Variants in DNAH10 observed in about 807,000 individuals in gnomAD.
DNAH10 encodes dynein axonemal heavy chain 10.
A neutral mutation model predicts 506.6 loss-of-function variants in DNAH10; 348 were observed. The observed-to-expected ratio is 0.69, with a 90% confidence interval of 0.63 to 0.75. The LOEUF is 0.75. DNAH10 is among the 30% of genes least tolerant of loss of function. The pLI, the probability that DNAH10 is intolerant of heterozygous loss-of-function variation, is 0.00. For synonymous variants in DNAH10, 2,059 were observed against 2,198.6 expected, an observed-to-expected ratio of 0.94 and a Z score of 1.78; for missense variants, 5,179 against 5,787.1, an observed-to-expected ratio of 0.89 and a Z score of 3.41.
chr12:123,871,361 A>C (rs1049818869), intron 44 of DNAH10, 96 bp from the exon 45 acceptor site: 1 of 1,404,732 alleles, frequency 7.1e-7, no homozygotes, highest in Non-Finnish European at 9.6e-7. Context: ...CCTGTTTTTT[A>C]TGGGATTTGT....
intron 73 of DNAH10, 93 bp downstream of exon 73, chr12:123,930,666 C>G: frequency 1.4e-6 from 2 of 1,453,942 alleles, no homozygotes; most frequent in Non-Finnish European, 1.8e-6. Context: ...GGGGGCTCCT[C>G]GGCTGGTCAG....
chr12:123,835,617 A>G, intron 28 of DNAH10, 89 bp downstream of exon 28: 1 of 1,486,564 alleles, frequency 6.7e-7, no homozygotes, highest in Non-Finnish European at 9.0e-7. Context: ...TATTTTCTCC[A>G]TTAGTAGCTT....
chr12:123,859,396 C>G, intron 38 of DNAH10, 128 bp downstream of exon 38: 1 of 686,206 alleles, frequency 1.5e-6, no homozygotes, highest in Non-Finnish European at 2.3e-6. Context: ...ATACACACCC[C>G]TTTCGACTCA....
chr12:123,908,797 A>G (rs1218409124), intron 57 of DNAH10, among the ~76,000 whole-genome samples: 1 of 152,160 alleles, frequency 6.6e-6, no homozygotes, highest in African/African-American at 2.4e-5. Context: ...ACAGCCAGTC[A>G]TGCAAGCTCC....
intron 74 of DNAH10, 33 bp downstream of exon 74, chr12:123,931,505 G>C: frequency 6.2e-7 from 1 of 1,610,108 alleles, no homozygotes; most frequent in Non-Finnish European, 8.5e-7. Flanking sequence ...TCATTAGTTT[G>C]ATTGGGGTTT....
chr12:123,843,471 G>A lies in DNAH10; in HGVS notation c.5360+1926G>A, dbSNP rs185336818. On this transcript the variant is annotated intron_variant, in intron 30 of 78. Coordinates refer to ENST00000673944, the MANE Select transcript of DNAH10 (RefSeq NM_001372106.1). Reference sequence around the variant, plus strand: ...ATCTTTGTTGTCTCTCTCCTGATGTGTAGGAATCATGGATATAAGTGATCT... The same window carrying A: ...ATCTTTGTTGTCTCTCTCCTGATGTATAGGAATCATGGATATAAGTGATCT... Among the ~76,000 whole-genome samples the A allele has an allele frequency of 2.0e-5, 3 of 152,304 alleles. No individual in the cohort carries two copies. In the East Asian group the frequency reaches 5.8e-4, roughly 29 times the overall value.
Position 123,910,591 on chromosome 12 carries a change from C to G in DNAH10, c.10053C>G (p.Ala3351=), listed in dbSNP as rs371346899. ...TTEEMEAVSK[A]GLGMLKFVEA... is the part of the protein sequence containing the mutation. ...AAGAAATGGAAGCTGTCAGCAAAGC[C>G]GGGCTGGGGATGCTGAAATTTGTTG... Residue 3351 remains alanine, a synonymous_variant, in exon 59 of 79, where the codon GCC becomes GCG. Transcript: ENST00000673944. 6.2e-7 allele frequency: 1 copy of G among 1,613,608 alleles called. No homozygotes were observed.
At chr12:123,869,609 C>T (rs1288198938) in intron 43 of DNAH10, among the ~76,000 whole-genome samples, 1 of 152,216 alleles carries the variant, frequency 6.6e-6, no homozygotes, top group East Asian at 1.9e-4. Context: ...GGAATCTCTC[C>T]TTCCAGCTGA....
At chr12:123,896,729 A>G (rs1953265843) in intron 54 of DNAH10, among the ~76,000 whole-genome samples, 1 of 151,920 alleles carries the variant, frequency 6.6e-6, no homozygotes, top group Non-Finnish European at 1.5e-5. Context: ...GAAAAAAAAA[A>G]AAAAAAAAGA....
In DNAH10 at chr12:123,917,871, G is replaced by A. The variant is rs1954556105; in HGVS notation, c.11232+58G>A. 6.6e-7 allele frequency: 1 copy of A among 1,518,040 alleles called. No individual in the cohort carries two copies. Among genetic ancestry groups the A allele is most frequent in the South Asian group, 1.2e-5 (1 of 82,694 alleles). 94.0% of individuals were successfully genotyped at this position (1,518,040 alleles called of 1,614,324 possible). ...GGCGGGGCCTGCATGCGCCGTTGGA[G>A]CGTCCATTTCTCTGTCTGCTCAATG... On this transcript the variant is annotated intron_variant, in intron 64 of 78. Coordinates refer to ENST00000673944, the MANE Select transcript of DNAH10 (RefSeq NM_001372106.1). The surrounding 1 kb of genome is among the most constrained non-coding windows in gnomAD (Gnocchi z 5.6).
At position 123,917,627 on chromosome 12, in the gene DNAH10, GGCTTACGAGAGGCGGGAGCTGGA is replaced by G. The variant is rs1309414071; in HGVS notation, c.11048_11070del (p.Ala3683GlyfsTer92). On this transcript the variant is annotated frameshift_variant, in exon 64 of 79. Transcript: ENST00000673944. LOFTEE classifies it high-confidence loss of function. The surrounding 1 kb of genome is among the most constrained non-coding windows in gnomAD (Gnocchi z 5.6). ...AGGACCAGCTGCTGAGCGTGCTGGT[GGCTTACGAGAGGCGGGAGCTGGA>G]GGAGCAGCGGGAGCACCTCATCCAG... The G allele has an allele frequency of 6.4e-7, 1 of 1,551,706 alleles. No individual in the cohort carries two copies.
chr12:123,899,921 A>G (rs1239184116), intron 56 of DNAH10, among the ~76,000 whole-genome samples: 1 of 152,182 alleles, frequency 6.6e-6, no homozygotes, highest in Non-Finnish European at 1.5e-5. Context: ...ATCCTTTCCC[A>G]GGAATTTGTG....
Position 123,914,524 on chromosome 12 carries a change from G to A in DNAH10, c.10548G>A (p.Leu3516=). 4.3e-6 allele frequency: 7 copies of A among 1,613,406 alleles called. No homozygotes were observed. The highest frequency in any genetic ancestry group is 5.1e-6 in the Non-Finnish European group (6 of 1,179,814). Residue 3516 remains leucine, a synonymous_variant, in exon 61 of 79, where the codon CTG becomes CTA. Transcript: ENST00000673944. ...PLSQPFRLES[L]LTDDVEISRW... ...GCCAGCCTTTCCGGCTGGAAAGCCT[G>A]CTCACGGATGATGTTGAGATCAGCA...
At chr12:123,809,971 G>A (rs754485529) in intron 19 of DNAH10, among the ~76,000 whole-genome samples, 14 of 151,954 alleles carry the variant, frequency 9.2e-5, no homozygotes, top group South Asian at 8.3e-4. Context: ...TCTCTCTCCC[G>A]TCACCCCCCT....
At chr12:123,922,145 C>T (rs1301772634) in intron 65 of DNAH10, among the ~76,000 whole-genome samples, 4 of 151,968 alleles carry the variant, frequency 2.6e-5, no homozygotes, top group Non-Finnish European at 4.4e-5. Context: ...GCCGCCAGGG[C>T]GGGCGGATCA....
chr12:123,789,898 TCTC>T, intron 10 of DNAH10, 26 bp from the exon 11 acceptor site: 3 of 1,589,752 alleles, frequency 1.9e-6, no homozygotes, highest in African/African-American at 1.3e-5. Flanking sequence ...CCAAATGTAA[TCTC>T]CTCATTGTTC....
chr12:123,914,772 G>T (rs1329669109), intron 61 of DNAH10, 80 bp from the exon 62 acceptor site: 1 of 1,527,892 alleles, frequency 6.5e-7, no homozygotes, highest in Non-Finnish European at 8.8e-7. Context: ...GATTGTTCTG[G>T]AAGGCCAGTC....
chr12:123,785,909 G>T lies in DNAH10; in HGVS notation c.1394G>T (p.Arg465Leu), dbSNP rs1428894259. 2 of 1,613,480 alleles carry T rather than the reference G, an allele frequency of 1.2e-6. No homozygotes were observed. Among genetic ancestry groups the T allele is most frequent in the East Asian group, 2.2e-5 (1 of 44,854 alleles). Residue 465 changes from arginine to leucine, a missense_variant, in exon 9 of 79, where the codon CGA becomes CTA. Transcript: ENST00000673944. This position sits in a 1 kb window ranked among gnomAD's most constrained non-coding sequence, Gnocchi z 4.1. Reference sequence around the variant, plus strand: ...TGGGAAATCGCTGAGAGAGTCTGCCGAGTGGTCAACCTGCGGACTTTGTTC... The same window carrying T: ...TGGGAAATCGCTGAGAGAGTCTGCCTAGTGGTCAACCTGCGGACTTTGTTC... ...IAWEIAERVC[R>L]VVNLRTLFKE...
At chr12:123,847,308 TTATCTATCTATCTATCTATC>T (rs71308008) in intron 32 of DNAH10, among the ~76,000 whole-genome samples, 7 of 148,924 alleles carry the variant, frequency 4.7e-5, no homozygotes, top group Admixed American at 1.3e-4. Flanking sequence ...ATCATCTATT[TTATCTATCTATCTATCTATC>T]TATCTATCTA....
Sources: gnomAD v4.1 joint callset for allele counts (sites outside exome capture counted in the v4.1 genomes callset) on GRCh38, gnomAD v4.1.1 for gene constraint, Gnocchi (gnomAD v3.1) non-coding constraint, MANE v1.5 for transcripts, NCBI Gene and HGNC (gene_info 2026-07-23, HGNC 2026-07-21) for gene names.